The following MDGA2 variants were observed in gnomAD, a reference collection of about 807,000 sequenced individuals.
MDGA2 encodes MAM domain containing glycosylphosphatidylinositol anchor 2.
A neutral mutation model predicts 117.8 loss-of-function variants in MDGA2; 40 were observed. That is an observed-to-expected ratio of 0.34 (90% CI 0.26 to 0.44). The LOEUF (loss-of-function observed/expected upper bound fraction) is 0.44, where lower values mean the gene tolerates loss of function less well. MDGA2 is among the 20% of genes least tolerant of loss of function. The pLI, the probability that MDGA2 is intolerant of heterozygous loss-of-function variation, is 1.00. For missense variants in MDGA2, 1,123 were observed against 1,250.6 expected (o/e 0.90, Z 1.54); for synonymous variants, 452 against 439.0 (o/e 1.03, Z -0.37).
intron 1 of MDGA2, among the ~76,000 whole-genome samples, chr14:47,389,018 T>G (rs1176311622): frequency 6.6e-6 from 1 of 152,226 alleles, no homozygotes; most frequent in Non-Finnish European, 1.5e-5. Flanking sequence ...TGTTAAAAAT[T>G]CCATTGCAAC....
intron 2 of MDGA2, among the ~76,000 whole-genome samples, chr14:47,292,195 C>T (rs1447928942): frequency 6.6e-6 from 1 of 152,192 alleles, no homozygotes; most frequent in Non-Finnish European, 1.5e-5. Flanking sequence ...GACTCCTTCA[C>T]TCTTAAAGCT....
rs1249929593 is a variant in MDGA2 at position 47,202,423 on chromosome 14, A to AT, written c.595+15597dup. Among the ~76,000 whole-genome samples, 13 of 151,858 alleles carry AT rather than the reference A, an allele frequency of 8.6e-5. 1 individual carries two copies. Among genetic ancestry groups the AT allele is most frequent in the East Asian group, 7.7e-4 (4 of 5,168 alleles). On this transcript the variant is annotated intron_variant, in intron 3 of 16. Transcript: ENST00000399232. ...TTGGAAGCTTTCCATTAACTTCCTG[A>AT]TTTTTTTTTAAAAAGGGCCCTTTAT... is the stretch of plus-strand genomic sequence containing the variant.
At chr14:47,013,840 A>T (rs1887989133) in intron 8 of MDGA2, among the ~76,000 whole-genome samples, 2 of 135,234 alleles carry the variant, frequency 1.5e-5, no homozygotes, top group Non-Finnish European at 3.1e-5. Context: ...CCCAGGCTGG[A>T]GTATGGAGTA....
Position 46,957,523 on chromosome 14 carries a change from A to G in MDGA2, c.1940T>C (p.Leu647Ser). The change falls in exon 9 of 17, where the codon TTG becomes TCG. Residue 647 changes from leucine (L) to serine (S), a missense_variant. Leu to Ser is a moderately radical substitution (Grantham distance 145, BLOSUM62 -2). Around this residue, in one of 2 missense-constraint regions of MDGA2, gnomAD observed 890 missense variants for 1,050.3 expected, o/e 0.85. Transcript: ENST00000399232. ...PIRVLTYEWR[L>S]GNKLLRTGQF... The stretch of plus-strand genomic sequence containing the variant: ...ACCCGTCCGTAATAATTTATTGCCC[A>G]AGCGCCACTCATAGGTCAGCACCCG... 2 of 1,614,144 alleles carry G rather than the reference A, an allele frequency of 1.2e-6. No homozygotes were observed. The highest frequency in any genetic ancestry group is 1.7e-6 in the Non-Finnish European group (2 of 1,180,018).
In MDGA2 at chr14:47,583,600, GA is replaced by G. The variant is rs977095947; in HGVS notation, c.280+90916del. On this transcript the variant is annotated intron_variant, in intron 1 of 16. Coordinates refer to ENST00000399232, the MANE Select transcript of MDGA2 (RefSeq NM_001113498.3). ...ATTATCTGCCTTTAACTTTCTGGAG[GA>G]TGGAGAAAATGATAAATTTTACATT... Among the ~76,000 whole-genome samples the G allele has an allele frequency of 6.6e-5, 10 of 151,746 alleles. No individual in the cohort carries two copies. In the East Asian group the frequency reaches 9.7e-4, roughly 15 times the overall value.
At chr14:47,084,819 G>T (rs1046826878) in intron 6 of MDGA2, among the ~76,000 whole-genome samples, 9 of 152,096 alleles carry the variant, frequency 5.9e-5, no homozygotes, top group African/African-American at 2.2e-4. Flanking sequence ...GTCCTCACTA[G>T]AATCCAACCA....
rs138744982 is a variant in MDGA2, at chr14:47,630,900, T to A, written c.280+43617A>T. On this transcript the variant is annotated intron_variant, in intron 1 of 16. Coordinates refer to ENST00000399232, the MANE Select transcript of MDGA2 (RefSeq NM_001113498.3). ...CAGAGAGTATGGTAGTTGCTTTACA[T>A]CTCTTTGCTCAGCTATTCCTCACAG... 6.6e-3 allele frequency among the ~76,000 whole-genome samples: 1,002 copies of A among 152,314 alleles called. 10 individuals are homozygous for A. Among genetic ancestry groups the A allele is most frequent in the African/African-American group, 0.023 (948 of 41,570 alleles).
chr14:47,186,684 C>A (rs965493926), intron 3 of MDGA2, among the ~76,000 whole-genome samples: 14 of 151,878 alleles, frequency 9.2e-5, no homozygotes, highest in African/African-American at 3.4e-4. Flanking sequence ...CAGTCTAGCT[C>A]ATGCTATTAA....
intron 8 of MDGA2, among the ~76,000 whole-genome samples, chr14:46,992,547 G>A (rs1462455511): frequency 1.3e-5 from 2 of 152,028 alleles, no homozygotes; most frequent in Non-Finnish European, 2.9e-5. Flanking sequence ...AATCATTTAT[G>A]CTTAAATTTA....
chr14:46,873,341 A>C, intron 14 of MDGA2, 92 bp downstream of exon 14: 2 of 1,192,752 alleles, frequency 1.7e-6, no homozygotes, highest in South Asian at 2.2e-5. Flanking sequence ...GCATTCTTTG[A>C]CCAAAAATTG....
chr14:47,639,306 A>G (rs1181638928), intron 1 of MDGA2, among the ~76,000 whole-genome samples: 3 of 152,206 alleles, frequency 2.0e-5, no homozygotes, highest in African/African-American at 7.2e-5. Context: ...TGATGAAGAA[A>G]CATATTCACT....
intron 15 of MDGA2, among the ~76,000 whole-genome samples, chr14:46,850,365 TGGG>T (rs549333039): frequency 2.1e-4 from 32 of 151,916 alleles, no homozygotes; most frequent in African/African-American, 7.2e-4. Flanking sequence ...TAAAAGTAGA[TGGG>T]GGAATTAAAT....
chr14:47,289,942 C>T (rs1273492817), intron 2 of MDGA2, among the ~76,000 whole-genome samples: 2 of 152,128 alleles, frequency 1.3e-5, no homozygotes, highest in Admixed American at 6.6e-5. Flanking sequence ...TTTTGACCAT[C>T]AGAAAATGTG....
chr14:47,138,614 C>T (rs1882569774), intron 4 of MDGA2, among the ~76,000 whole-genome samples: 1 of 152,006 alleles, frequency 6.6e-6, no homozygotes, highest in Middle Eastern at 3.4e-3. Context: ...TGGCCCTTAC[C>T]AATGCTGACA....
intron 1 of MDGA2, among the ~76,000 whole-genome samples, chr14:47,634,598 C>T (rs954027137): frequency 3.3e-5 from 5 of 152,008 alleles, no homozygotes; most frequent in African/African-American, 1.2e-4. Context: ...TTTAGCTTTT[C>T]TAAGCTATAT....
chr14:47,325,594 C>T (rs1890120128), intron 1 of MDGA2, among the ~76,000 whole-genome samples: 1 of 152,032 alleles, frequency 6.6e-6, no homozygotes, highest in South Asian at 2.1e-4. Context: ...ATTGATAGAA[C>T]ACAACTAAGA....
At chr14:47,247,632 T>TTTTTTA (rs33990961) in intron 2 of MDGA2, among the ~76,000 whole-genome samples, 35,814 of 146,096 alleles carry the variant, frequency 0.25, 5,403 homozygotes, top group Admixed American at 0.41. Context: ...TCAGTACATA[T>TTTTTTA]TTATTATTAT....
intron 3 of MDGA2, among the ~76,000 whole-genome samples, chr14:47,202,084 T>A (rs1305562627): frequency 6.6e-6 from 1 of 152,218 alleles, no homozygotes; most frequent in Non-Finnish European, 1.5e-5. Context: ...CCTTTCACTC[T>A]TACTCTTTTT....
At chr14:47,484,192 C>T (rs1037406666) in intron 1 of MDGA2, among the ~76,000 whole-genome samples, 1 of 151,712 alleles carries the variant, frequency 6.6e-6, no homozygotes, top group Non-Finnish European at 1.5e-5. Flanking sequence ...TAGCTTTATA[C>T]TATAAAGCCA....
Sources: allele counts gnomAD v4.1 joint callset (sites outside exome capture counted in the v4.1 genomes callset), GRCh38; gene constraint gnomAD v4.1.1; regional missense constraint gnomAD v4.1.1; transcripts MANE v1.5; gene names NCBI Gene and HGNC (gene_info 2026-07-23, HGNC 2026-07-21).